The following SLTM variants were observed in gnomAD, a reference collection of about 807,000 sequenced individuals.
The protein encoded by SLTM is SAFB like transcription modulator, also known as SAFB-like transcription modulator.
SLTM carries 43 observed loss-of-function variants against 134.6 expected under a neutral mutation model. The ratio of observed to expected loss-of-function variants is 0.32; its 90% CI spans 0.25 to 0.41. SLTM has a LOEUF of 0.41. Among genes scored for constraint, SLTM ranks in the 10% least tolerant of loss-of-function variants. SLTM has a pLI of 1.00. For missense variants in SLTM, 1,055 were observed against 1,288.8 expected, an observed-to-expected ratio of 0.82 and a Z score of 2.78; for synonymous variants, 424 against 432.3, an observed-to-expected ratio of 0.98 and a Z score of 0.24.
At chr15:58,928,362 C>G (rs1179373996) in intron 2 of SLTM, among the ~76,000 whole-genome samples, 1 of 152,158 alleles carries the variant, frequency 6.6e-6, no homozygotes, top group Admixed American at 6.5e-5. Context: ...CCGTAAACTT[C>G]AATGGGTGAA....
chr15:58,893,044 T>C lies in SLTM; in HGVS notation c.1751A>G (p.Lys584Arg). 1.3e-6 allele frequency: 2 copies of C among 1,583,568 alleles called. No homozygotes were observed. The highest frequency in any genetic ancestry group is 1.7e-6 in the Non-Finnish European group (2 of 1,172,048). ...ATCTAGACTAGCTCTCTCCTTTTCC[T>C]TACTTCTTCCATGAATCTGTAGAAA... is the stretch of plus-strand genomic sequence containing the variant. ...GRYEKIHGRS[K>R]EKERASLDKK... The change falls in exon 14 of 21, where the codon AAG becomes AGG. Residue 584 changes from lysine (K) to arginine (R), a missense_variant. By Grantham distance (26) the Lys-to-Arg change is conservative (BLOSUM62 2). Coordinates refer to ENST00000380516, the MANE Select transcript of SLTM (RefSeq NM_024755.4).
chr15:58,920,096 G>C (rs560202871), intron 2 of SLTM, among the ~76,000 whole-genome samples: 33 of 151,686 alleles, frequency 2.2e-4, no homozygotes, highest in South Asian at 1.7e-3. Context: ...AGGGCAGATT[G>C]CTTGAAGCCC....
chr15:58,918,618 T>G (rs997978410), intron 2 of SLTM, among the ~76,000 whole-genome samples: 41 of 152,360 alleles, frequency 2.7e-4, no homozygotes, highest in African/African-American at 9.4e-4. Context: ...CTTGGTGTTG[T>G]GTTAACTTTC....
chr15:58,892,977 A>C lies in SLTM; in HGVS notation c.1818T>G (p.Pro606=). The change falls in exon 14 of 21, where the codon CCT becomes CCG. Residue 606 remains proline (P), a synonymous_variant. Coordinates refer to ENST00000380516, the MANE Select transcript of SLTM (RefSeq NM_024755.4). ...DKDYRRKEIL[P]FEKMKEQRLR... The stretch of plus-strand genomic sequence containing the variant: ...ACCTTTGTTCCTTCATCTTTTCAAA[A>C]GGCAAGATCTCTTTCCTTCTGTAGT... 6.2e-7 allele frequency: 1 copy of C among 1,613,852 alleles called. No individual in the cohort carries two copies. Among genetic ancestry groups the C allele is most frequent in the Non-Finnish European group, 8.5e-7 (1 of 1,179,904 alleles).
chr15:58,905,008 C>CA (rs1352900162), intron 5 of SLTM, among the ~76,000 whole-genome samples: 2 of 151,968 alleles, frequency 1.3e-5, no homozygotes, highest in African/African-American at 2.4e-5. Context: ...CATGCCCGGC[C>CA]AATTTTTGTA....
rs1218038000 is a variant in SLTM at position 58,888,303 on chromosome 15, C to T, written c.2375+82G>A. ...CTGAGCATTCAGTTCTGACCTGGTA[C>T]TTCCAGTTAAGATTTTAGGAGAAAC... is the stretch of plus-strand genomic sequence containing the variant. On this transcript the variant is annotated intron_variant, in intron 17 of 20. Coordinates refer to ENST00000380516, the MANE Select transcript of SLTM (RefSeq NM_024755.4). 2.4e-6 allele frequency: 3 copies of T among 1,258,152 alleles called. No individual in the cohort carries two copies. The East Asian group carries it at 7.1e-5, about 30-fold the overall frequency. The allele number at this position is 1,258,152 out of a possible 1,614,324, so 77.9% of individuals were successfully genotyped here. A position where few individuals can be genotyped will look rare whatever the true frequency, so the allele number is the denominator to read the frequency against.
chr15:58,884,251 C>G (rs2033992937), intron 19 of SLTM, among the ~76,000 whole-genome samples: 2 of 152,068 alleles, frequency 1.3e-5, no homozygotes, highest in South Asian at 2.1e-4. Flanking sequence ...GAGTTTATAT[C>G]TATTTTGTAG....
intron 2 of SLTM, among the ~76,000 whole-genome samples, chr15:58,919,239 G>A (rs2036855797): frequency 6.6e-6 from 1 of 152,136 alleles, no homozygotes; most frequent in Non-Finnish European, 1.5e-5. Flanking sequence ...TACATTTAGA[G>A]AAAGTTCCAT....
intron 5 of SLTM, among the ~76,000 whole-genome samples, chr15:58,903,482 TAAAAC>T (rs1196516088): frequency 7.0e-6 from 1 of 141,978 alleles, no homozygotes; most frequent in African/African-American, 2.6e-5. Flanking sequence ...GAGGGCTTGT[TAAAAC>T]AAAACACAGA....
intron 5 of SLTM, among the ~76,000 whole-genome samples, chr15:58,902,890 A>C (rs551077993): frequency 2.0e-5 from 3 of 149,690 alleles, no homozygotes; most frequent in African/African-American, 7.4e-5. Flanking sequence ...CACCCAGCTA[A>C]TTTTTTATTA....
Position 58,879,929 on chromosome 15 carries a change from A to T in SLTM, c.*70T>A. 1 of 1,558,760 alleles carries T rather than the reference A, an allele frequency of 6.4e-7. No individual in the cohort carries two copies. On this transcript the variant is annotated 3_prime_UTR_variant, in exon 21 of 21. Transcript: ENST00000380516. Reference sequence around the variant, plus strand: ...CTCAAGCAAGTCAGAGGTCCTCTTCATAAGTAGTCAAGTAAAGTTTACAGG... The same window carrying T: ...CTCAAGCAAGTCAGAGGTCCTCTTCTTAAGTAGTCAAGTAAAGTTTACAGG...
chr15:58,904,461 A>T (rs1432889956), intron 5 of SLTM, among the ~76,000 whole-genome samples: 2 of 152,208 alleles, frequency 1.3e-5, no homozygotes, highest in Non-Finnish European at 2.9e-5. Flanking sequence ...CTAAGAAGTA[A>T]AATAGTCCAG....
chr15:58,912,547 CTAAATG>C lies in SLTM; in HGVS notation c.561+10_561+15del. ...CACCCACAATATCGAATTCATAGGA[CTAAATG>C]TAAACTTACTTGGGCTGTTAGAAAG... On this transcript the variant is annotated intron_variant, in intron 5 of 20. Transcript: ENST00000380516. 1 of 1,610,424 alleles carries C rather than the reference CTAAATG, an allele frequency of 6.2e-7. No individual in the cohort carries two copies. The highest frequency in any genetic ancestry group is 8.5e-7 in the Non-Finnish European group (1 of 1,176,964).
intron 2 of SLTM, among the ~76,000 whole-genome samples, chr15:58,922,933 C>G (rs1452733396): frequency 6.6e-6 from 1 of 152,158 alleles, no homozygotes; most frequent in South Asian, 2.1e-4. Context: ...CCAGACTGGT[C>G]TCGAACTCCT....
chr15:58,912,452 T>C (rs759112879), intron 5 of SLTM, 111 bp downstream of exon 5: 3 of 1,008,222 alleles, frequency 3.0e-6, no homozygotes, highest in Non-Finnish European at 4.7e-6. Context: ...TAACTCAGTA[T>C]TAAATTTAAG....
chr15:58,924,273 T>A (rs1433604256), intron 2 of SLTM, among the ~76,000 whole-genome samples: 1 of 152,136 alleles, frequency 6.6e-6, no homozygotes, highest in African/African-American at 2.4e-5. Context: ...AAAAACAAAA[T>A]CTAAAATATA....
At chr15:58,911,394 A>G (rs2036259074) in intron 5 of SLTM, among the ~76,000 whole-genome samples, 1 of 152,196 alleles carries the variant, frequency 6.6e-6, no homozygotes. Context: ...AATCTAGTAA[A>G]CAAAGGAACC....
At chr15:58,905,649 T>G (rs1321011883) in intron 5 of SLTM, among the ~76,000 whole-genome samples, 1 of 152,140 alleles carries the variant, frequency 6.6e-6, no homozygotes, top group Admixed American at 6.5e-5. Flanking sequence ...AGTTATTGTT[T>G]TAGAGATGCA....
intron 2 of SLTM, chr15:58,921,474 C>A: frequency 4.0e-6 from 1 of 251,252 alleles, no homozygotes; most frequent in Non-Finnish European, 8.6e-6. Flanking sequence ...GCACAGGCAA[C>A]AAGAGGCAGC....
Sources: allele counts gnomAD v4.1 joint callset (sites outside exome capture counted in the v4.1 genomes callset), GRCh38; gene constraint gnomAD v4.1.1; transcripts MANE v1.5; gene names NCBI Gene and HGNC (gene_info 2026-07-23, HGNC 2026-07-21).